FMN2: variants seen among roughly 807,000 people sequenced by gnomAD.
The protein encoded by FMN2 is formin-2.
A neutral mutation model predicts 142.3 loss-of-function variants in FMN2; 51 were observed. The observed-to-expected ratio is 0.36, with a 90% CI of 0.29 to 0.45. The LOEUF (loss-of-function observed/expected upper bound fraction) is 0.45. Among genes scored for constraint, FMN2 ranks in the 20% least tolerant of loss-of-function variants. The pLI, the probability that FMN2 is intolerant of heterozygous loss-of-function variation, is 1.00. For missense variants in FMN2, 1,936 were observed against 2,122.8 expected (o/e 0.91, Z 1.73); for synonymous variants, 882 against 869.8 (o/e 1.01, Z -0.25).
chr1:240,131,517 T>C lies in FMN2; in HGVS notation c.1782+8172T>C, dbSNP rs576087746. Among the ~76,000 whole-genome samples, 795 of 152,172 alleles carry C rather than the reference T, an allele frequency of 5.2e-3. 3 individuals are homozygous for C. Among genetic ancestry groups the C allele is most frequent in the South Asian group, 0.031 (151 of 4,822 alleles). Reference sequence around the variant, plus strand: ...TGAGGTCAGGAGTTCGAGACTAGCCTGACCAACATGGTGAAACCCCCGCCT... The same window carrying C: ...TGAGGTCAGGAGTTCGAGACTAGCCCGACCAACATGGTGAAACCCCCGCCT... On this transcript the variant is annotated intron_variant, in intron 2 of 17. Transcript: ENST00000319653.
At chr1:240,117,318 A>G (rs989154377) in intron 1 of FMN2, among the ~76,000 whole-genome samples, 2 of 152,238 alleles carry the variant, frequency 1.3e-5, no homozygotes, top group African/African-American at 2.4e-5. Flanking sequence ...AGCTTACATG[A>G]GAACCCACAG....
At chr1:240,214,886 G>A (rs554894284) in intron 6 of FMN2, among the ~76,000 whole-genome samples, 1 of 152,214 alleles carries the variant, frequency 6.6e-6, no homozygotes, top group Non-Finnish European at 1.5e-5. Context: ...GGGAACATGG[G>A]GAAATTCTGA....
rs57610518 is a variant in FMN2, at chr1:240,443,752, CAA to C, written c.5060+5552_5060+5553del. ...TGGGTGACAGAGCAAGACTCAGTCT[CAA>C]AAAAAAAAATTTTTTTTTCAATTTG... On this transcript the variant is annotated intron_variant, in intron 16 of 17. Transcript: ENST00000319653. Among the ~76,000 whole-genome samples the C allele has an allele frequency of 2.7e-5, 4 of 147,498 alleles. No individual in the cohort carries two copies. In the East Asian group the frequency reaches 5.9e-4, roughly 22 times the overall value.
intron 2 of FMN2, among the ~76,000 whole-genome samples, chr1:240,130,170 G>C (rs780544410): frequency 3.3e-5 from 5 of 152,178 alleles, no homozygotes; most frequent in Non-Finnish European, 7.3e-5. Flanking sequence ...TATGGATGCT[G>C]TGTGAATATT....
chr1:240,122,062 AAATT>A (rs138503789), intron 1 of FMN2, among the ~76,000 whole-genome samples: 3 of 97,114 alleles, frequency 3.1e-5, no homozygotes, highest in East Asian at 5.6e-4. Context: ...TTTGGATCCA[AAATT>A]AATTAATTAA....
intron 6 of FMN2, among the ~76,000 whole-genome samples, chr1:240,257,068 A>G (rs1234797872): frequency 6.6e-6 from 1 of 152,184 alleles, no homozygotes; most frequent in Non-Finnish European, 1.5e-5. Context: ...GTGTTTTTCT[A>G]AGCAGATTTA....
chr1:240,121,693 GTCT>G (rs1285739150), intron 1 of FMN2, among the ~76,000 whole-genome samples: 1 of 115,820 alleles, frequency 8.6e-6, no homozygotes, highest in Non-Finnish European at 1.6e-5. Context: ...CTGGCCCAGT[GTCT>G]TCTTATTATG....
chr1:240,187,520 C>T (rs1185844374), intron 3 of FMN2, among the ~76,000 whole-genome samples: 1 of 152,084 alleles, frequency 6.6e-6, no homozygotes, highest in African/African-American at 2.4e-5. Context: ...TGAGGAATTC[C>T]TTGAAGGCCC....
intron 2 of FMN2, among the ~76,000 whole-genome samples, chr1:240,168,050 CAAAA>C (rs1234732476): frequency 5.9e-5 from 9 of 151,924 alleles, no homozygotes. Flanking sequence ...GACTCTGTCT[CAAAA>C]GAAAATAAAA....
chr1:240,454,133 T>G (rs893010906), intron 16 of FMN2, among the ~76,000 whole-genome samples: 1 of 152,206 alleles, frequency 6.6e-6, no homozygotes, highest in Non-Finnish European at 1.5e-5. Flanking sequence ...TTTAAAATAT[T>G]CTTACCATGG....
chr1:240,348,519 A>T (rs1369260690), intron 13 of FMN2, among the ~76,000 whole-genome samples: 5 of 119,834 alleles, frequency 4.2e-5, no homozygotes, highest in Non-Finnish European at 6.8e-5. Flanking sequence ...CACCGCGCCC[A>T]GCCTATTTTT....
At chr1:240,140,252 C>G (rs1304603639) in intron 2 of FMN2, among the ~76,000 whole-genome samples, 4 of 152,128 alleles carry the variant, frequency 2.6e-5, no homozygotes, top group Non-Finnish European at 5.9e-5. Context: ...TTTAAAAACA[C>G]ATTAAGCTTT....
chr1:240,302,085 T>C (rs1670220538), intron 8 of FMN2, among the ~76,000 whole-genome samples: 1 of 152,092 alleles, frequency 6.6e-6, no homozygotes. Context: ...CTGTTCATCA[T>C]ATTGTGTACT....
intron 4 of FMN2, among the ~76,000 whole-genome samples, chr1:240,196,179 T>G (rs950317797): frequency 3.9e-5 from 6 of 152,148 alleles, no homozygotes; most frequent in African/African-American, 1.4e-4. Flanking sequence ...TTTTGAGGAA[T>G]GAGCAAGACA....
intron 6 of FMN2, chr1:240,245,698 T>C (rs990465566): frequency 4.5e-6 from 2 of 446,604 alleles, no homozygotes; most frequent in African/African-American, 4.1e-5. Context: ...AGATGAAAAG[T>C]TAATTTTATC....
chr1:240,396,303 CGTGTGTGTGTGTGTGTGTGTGT>C (rs57641655), intron 15 of FMN2, among the ~76,000 whole-genome samples: 5 of 142,742 alleles, frequency 3.5e-5, no homozygotes, highest in Non-Finnish European at 7.7e-5. Context: ...CCGAGGTTTT[CGTGTGTGTGTGTGTGTGTGTGT>C]GTGTGTGTGT....
chr1:240,136,873 T>A (rs6688908), intron 2 of FMN2, among the ~76,000 whole-genome samples: 1 of 151,612 alleles, frequency 6.6e-6, no homozygotes, highest in African/African-American at 2.4e-5. Context: ...GAGTTTGAGA[T>A]CAGCCTGACC....
chr1:240,279,410 G>C (rs1669323322), intron 7 of FMN2, among the ~76,000 whole-genome samples: 1 of 152,080 alleles, frequency 6.6e-6, no homozygotes, highest in Non-Finnish European at 1.5e-5. Context: ...GGTTGGGGTT[G>C]GGAAAAGCAA....
intron 8 of FMN2, among the ~76,000 whole-genome samples, chr1:240,315,454 T>C (rs1236136798): frequency 6.6e-6 from 1 of 152,240 alleles, no homozygotes; most frequent in African/African-American, 2.4e-5. Context: ...GTCAACTCTC[T>C]TAATAAGGAT....
Sources: allele counts gnomAD v4.1 joint callset (sites outside exome capture counted in the v4.1 genomes callset), GRCh38; gene constraint gnomAD v4.1.1; transcripts MANE v1.5; gene names NCBI Gene and HGNC (gene_info 2026-07-23, HGNC 2026-07-21).